FAM13A: variants seen among roughly 807,000 people sequenced by gnomAD.
The protein encoded by FAM13A is family with sequence similarity 13 member A.
FAM13A carries 76 observed loss-of-function variants against 129.6 expected under a neutral mutation model. That is an observed-to-expected ratio of 0.59 (90% CI 0.49 to 0.71). The LOEUF (loss-of-function observed/expected upper bound fraction) is 0.71, where lower values mean the gene tolerates loss of function less well. Among genes scored for constraint, FAM13A ranks in the 30% least tolerant of loss-of-function variants. The pLI is 0.00. For missense variants in FAM13A, 1,108 were observed against 1,249.3 expected, an observed-to-expected ratio of 0.89 and a Z score of 1.70; for synonymous variants, 443 against 449.9, an observed-to-expected ratio of 0.98 and a Z score of 0.20.
At chr4:89,056,751 T>C (rs1435032948) in intron 1 of FAM13A, among the ~76,000 whole-genome samples, 187 bp downstream of exon 1, 1 of 152,206 alleles carries the variant, frequency 6.6e-6, no homozygotes, top group East Asian at 1.9e-4. Context: ...TGCACAAATA[T>C]GCTGAATGCC....
intron 6 of FAM13A, among the ~76,000 whole-genome samples, chr4:88,878,523 C>G (rs1477215469): frequency 6.6e-6 from 1 of 151,910 alleles, no homozygotes; most frequent in Non-Finnish European, 1.5e-5. Context: ...TTTAATAAAT[C>G]AATTTAAAGG....
chr4:88,918,364 T>C (rs1249749376), intron 5 of FAM13A, among the ~76,000 whole-genome samples: 1 of 152,206 alleles, frequency 6.6e-6, no homozygotes. Flanking sequence ...CCCTATGAAA[T>C]ATGTGCTTTA....
At chr4:88,959,915 G>T (rs1232509632) in intron 4 of FAM13A, among the ~76,000 whole-genome samples, 1 of 152,158 alleles carries the variant, frequency 6.6e-6, no homozygotes, top group Non-Finnish European at 1.5e-5. Context: ...TCAAACCCAT[G>T]CACTCTGAAC....
chr4:88,774,311 C>G (rs548534335), intron 11 of FAM13A, among the ~76,000 whole-genome samples: 2 of 152,310 alleles, frequency 1.3e-5, no homozygotes, highest in Admixed American at 6.5e-5. Flanking sequence ...TCTTTCTTAT[C>G]TATCTCATTT....
At position 88,989,423 on chromosome 4, in the gene FAM13A, G is replaced by A. The variant is rs187925831; in HGVS notation, c.605+1550C>T. ...TTGAGACCAGCCTGGGCAACATGGTGAAACCCCGTCTCTACAAAAAATACA... is the reference window on the plus strand; with the variant it reads ...TTGAGACCAGCCTGGGCAACATGGTAAAACCCCGTCTCTACAAAAAATACA... On this transcript the variant is annotated intron_variant, in intron 4 of 23. Coordinates refer to ENST00000264344, the MANE Select transcript of FAM13A (RefSeq NM_014883.4). 3.3e-5 allele frequency among the ~76,000 whole-genome samples: 5 copies of A among 152,216 alleles called. No homozygotes were observed. In the East Asian group the frequency reaches 9.7e-4, roughly 29 times the overall value.
At chr4:88,755,261 G>C (rs1004302209) in intron 14 of FAM13A, among the ~76,000 whole-genome samples, 1 of 152,154 alleles carries the variant, frequency 6.6e-6, no homozygotes. Flanking sequence ...AACTTAGGCT[G>C]ATTTTTCCTG....
intron 5 of FAM13A, among the ~76,000 whole-genome samples, chr4:88,919,867 G>A (rs1750730830): frequency 6.6e-6 from 1 of 152,242 alleles, no homozygotes; most frequent in African/African-American, 2.4e-5. Flanking sequence ...TTTCCGACGG[G>A]CTTAAAAAAT....
chr4:88,969,719 T>C (rs534778525), intron 4 of FAM13A, among the ~76,000 whole-genome samples: 4 of 152,344 alleles, frequency 2.6e-5, no homozygotes, highest in African/African-American at 4.8e-5. Flanking sequence ...CATTTAATCC[T>C]CCAGTCTTTA....
chr4:88,775,089 A>T (rs1304844974), intron 11 of FAM13A, among the ~76,000 whole-genome samples: 1 of 152,212 alleles, frequency 6.6e-6, no homozygotes, highest in Non-Finnish European at 1.5e-5. Context: ...TCTAGATAAC[A>T]TTTAAATCCA....
chr4:88,751,533 C>T (rs1232563723), intron 14 of FAM13A, among the ~76,000 whole-genome samples: 1 of 151,776 alleles, frequency 6.6e-6, no homozygotes, highest in African/African-American at 2.4e-5. Context: ...GAGTGAGATG[C>T]ATACATAAAT....
chr4:88,924,773 C>T (rs1751797711), intron 5 of FAM13A, among the ~76,000 whole-genome samples: 1 of 151,208 alleles, frequency 6.6e-6, no homozygotes, highest in Admixed American at 6.6e-5. Context: ...AGGCAACCTA[C>T]AAAATGGGAG....
chr4:89,032,933 T>G (rs1768896831), intron 1 of FAM13A, among the ~76,000 whole-genome samples: 1 of 152,218 alleles, frequency 6.6e-6, no homozygotes, highest in African/African-American at 2.4e-5. Context: ...GGTACTACTC[T>G]AGTGCTCTAA....
chr4:88,957,740 C>T lies in FAM13A; in HGVS notation c.606-19499G>A, dbSNP rs150719529. On this transcript the variant is annotated intron_variant, in intron 4 of 23. Transcript: ENST00000264344. ...ACCAAAATGCTGACAGAAATATGGA[C>T]GTTGAAGGTCAGGGAAATGAGATCT... 3.0e-3 allele frequency among the ~76,000 whole-genome samples: 462 copies of T among 152,176 alleles called. 1 individual carries two copies. The highest frequency in any genetic ancestry group is 0.01 in the African/African-American group (433 of 41,504).
chr4:89,007,286 C>G (rs1028210372), intron 3 of FAM13A, among the ~76,000 whole-genome samples: 1 of 152,150 alleles, frequency 6.6e-6, no homozygotes, highest in Non-Finnish European at 1.5e-5. Flanking sequence ...TCTTCTAGAG[C>G]TAAAAGGACA....
In FAM13A at chr4:88,741,782, T is replaced by C. The variant is rs74725608; in HGVS notation, c.2467-2657A>G. 7.0e-4 allele frequency among the ~76,000 whole-genome samples: 106 copies of C among 152,272 alleles called. 1 individual carries two copies. The highest frequency in any genetic ancestry group is 2.5e-3 in the African/African-American group (102 of 41,550). On this transcript the variant is annotated intron_variant, in intron 19 of 23. Transcript: ENST00000264344. ...ATGCTCAATCAGTATAATGCAAATATTCCAAAATCTGAAAAAATCCAAAAT... is the reference window on the plus strand; with the variant it reads ...ATGCTCAATCAGTATAATGCAAATACTCCAAAATCTGAAAAAATCCAAAAT...
In FAM13A at chr4:88,827,320, C is replaced by T. The variant is rs115184177; in HGVS notation, c.1008-22268G>A. ...TTTAGCCCTGCCTCCAAGCCCAACA[C>T]CATTCAATACACGCATTCAATAAAT... On this transcript the variant is annotated intron_variant, in intron 7 of 23. Coordinates refer to ENST00000264344, the MANE Select transcript of FAM13A (RefSeq NM_014883.4). Among the ~76,000 whole-genome samples the T allele has an allele frequency of 4.4e-3, 674 of 152,270 alleles. 6 individuals are homozygous for T. Among genetic ancestry groups the T allele is most frequent in the African/African-American group, 0.015 (638 of 41,550 alleles).
intron 7 of FAM13A, among the ~76,000 whole-genome samples, chr4:88,834,729 A>G (rs1342424079): frequency 1.3e-5 from 2 of 152,240 alleles, no homozygotes; most frequent in Admixed American, 6.5e-5. Context: ...ATACCTCTGG[A>G]AATAATATCA....
At chr4:88,888,588 T>C (rs1461240320) in intron 6 of FAM13A, among the ~76,000 whole-genome samples, 2 of 151,862 alleles carry the variant, frequency 1.3e-5, no homozygotes, top group Non-Finnish European at 2.9e-5. Flanking sequence ...AATAAATAAA[T>C]AAATCATCCC....
chr4:88,938,056 C>A, intron 5 of FAM13A, 32 bp downstream of exon 5: 1 of 1,556,348 alleles, frequency 6.4e-7, no homozygotes, highest in Non-Finnish European at 8.9e-7. Flanking sequence ...AAAATTATAG[C>A]AATACTGAAA....
Sources: allele counts gnomAD v4.1 joint callset (sites outside exome capture counted in the v4.1 genomes callset), GRCh38; gene constraint gnomAD v4.1.1; transcripts MANE v1.5; gene names NCBI Gene and HGNC (gene_info 2026-07-23, HGNC 2026-07-21).